Variants in DMD observed in about 807,000 individuals in gnomAD.
The protein encoded by DMD is dystrophin.
A neutral mutation model predicts 330.1 loss-of-function variants in DMD; 63 were observed. The ratio of observed to expected loss-of-function variants is 0.19; its 90% CI spans 0.16 to 0.24. DMD has a LOEUF of 0.24. Ranked by LOEUF, DMD falls within the 10% of genes least tolerant of loss-of-function variation. The pLI, the probability that DMD is intolerant of heterozygous loss-of-function variation, is 1.00. For synonymous variants in DMD, 1,223 were observed against 959.8 expected (o/e 1.27, Z -5.07); for missense variants, 3,344 against 2,684.1 (o/e 1.25, Z -5.43).
At chrX:31,747,566 C>A (rs1474535) in intron 51 of DMD, among the ~76,000 whole-genome samples, 23,539 of 110,641 alleles carry the variant, frequency 0.21, 1,952 homozygotes, top group East Asian at 0.5. Context: ...ACTTGCACTG[C>A]GGCATGAAAG....
chrX:31,796,615 T>A lies in DMD; in HGVS notation c.7310-22423A>T, dbSNP rs1027484415. ...TGGCATAGTTTCAGTAGTCTTAATCTTAGATTCTCTAATAAATGGAATTGG... is the reference window on the plus strand; with the variant it reads ...TGGCATAGTTTCAGTAGTCTTAATCATAGATTCTCTAATAAATGGAATTGG... On this transcript the variant is annotated intron_variant, in intron 50 of 78. Transcript: ENST00000357033. Among the ~76,000 whole-genome samples, 12 of 112,232 alleles carry A rather than the reference T, an allele frequency of 1.1e-4. No individual in the cohort carries two copies. The East Asian group carries it at 3.4e-3, about 32-fold the overall frequency.
intron 1 of DMD, among the ~76,000 whole-genome samples, chrX:33,039,256 A>G (rs1458863752): frequency 3.6e-5 from 4 of 111,334 alleles, no homozygotes; most frequent in African/African-American, 1.3e-4. Flanking sequence ...TCAAAAGTAG[A>G]AGTCAGTTCG....
At chrX:32,732,369 C>G (rs1400743703) in intron 7 of DMD, among the ~76,000 whole-genome samples, 1 of 110,937 alleles carries the variant, frequency 9.0e-6, no homozygotes, top group African/African-American at 3.3e-5. Context: ...CTTCCCCAAT[C>G]TAGCAAGGCA....
At chrX:31,931,684 T>C (rs1248207959) in intron 46 of DMD, among the ~76,000 whole-genome samples, 1 of 111,724 alleles carries the variant, frequency 9.0e-6, no homozygotes, top group Admixed American at 9.5e-5. Context: ...CATTTAGATT[T>C]AGATTTTATG....
intron 62 of DMD, among the ~76,000 whole-genome samples, chrX:31,274,529 A>C (rs750281366): frequency 2.7e-5 from 3 of 111,851 alleles, no homozygotes; most frequent in Non-Finnish European, 5.6e-5. Context: ...GGGATCCATA[A>C]AAGGGGAAAT....
intron 43 of DMD, among the ~76,000 whole-genome samples, chrX:32,230,207 C>G (rs1368598789): frequency 9.1e-6 from 1 of 110,416 alleles, no homozygotes; most frequent in Non-Finnish European, 1.9e-5. Flanking sequence ...ATGAGTATAC[C>G]TTCTGAAAAG....
intron 2 of DMD, among the ~76,000 whole-genome samples, chrX:32,880,062 T>G (rs1473235670): frequency 9.0e-6 from 1 of 111,147 alleles, no homozygotes; most frequent in African/African-American, 3.3e-5. Flanking sequence ...TTTGAACACA[T>G]TCATCTCAAT....
At chrX:32,472,873 T>C (rs183635891) in intron 21 of DMD, among the ~76,000 whole-genome samples, 1 of 111,404 alleles carries the variant, frequency 9.0e-6, no homozygotes, top group East Asian at 2.8e-4. Context: ...CATTCTTAAT[T>C]CTTATAATAA....
intron 38 of DMD, 69 bp downstream of exon 38, chrX:32,348,337 T>TAG (rs2097770705): frequency 1.9e-6 from 2 of 1,080,328 alleles, no homozygotes; most frequent in Non-Finnish European, 1.3e-6. Context: ...GTTGGAGACT[T>TAG]ATCTAAGTTC....
At chrX:32,022,319 T>A (rs191922339) in intron 44 of DMD, among the ~76,000 whole-genome samples, 1 of 112,057 alleles carries the variant, frequency 8.9e-6, no homozygotes, top group Non-Finnish European at 1.9e-5. Flanking sequence ...ATTTAAGGAT[T>A]TTGCTCTAAA....
intron 30 of DMD, among the ~76,000 whole-genome samples, chrX:32,391,873 G>A (rs186706110): frequency 8.9e-6 from 1 of 111,808 alleles, no homozygotes; most frequent in Non-Finnish European, 1.9e-5. Flanking sequence ...CTTTAGAGGG[G>A]TTATGGCTAG....
At chrX:31,572,585 A>G (rs1490425280) in intron 55 of DMD, among the ~76,000 whole-genome samples, 2 of 112,409 alleles carry the variant, frequency 1.8e-5, no homozygotes, top group Admixed American at 9.4e-5. Flanking sequence ...GACTAGCAGG[A>G]TTTTGTGTAT....
chrX:32,625,223 G>A (rs1334970204), intron 11 of DMD, among the ~76,000 whole-genome samples: 2 of 111,991 alleles, frequency 1.8e-5, no homozygotes, highest in African/African-American at 3.2e-5. Context: ...AACCAGTGTT[G>A]TCCAGAACTT....
At chrX:31,472,984 G>A (rs926715700) in intron 59 of DMD, among the ~76,000 whole-genome samples, 1 of 111,957 alleles carries the variant, frequency 8.9e-6, no homozygotes. Flanking sequence ...GAAAAACTGT[G>A]TTCAGAGTCA....
intron 44 of DMD, among the ~76,000 whole-genome samples, chrX:32,054,591 G>A: frequency 1.8e-5 from 2 of 108,597 alleles, no homozygotes; most frequent in Non-Finnish European, 1.9e-5. Context: ...TTCTCCTCAA[G>A]TAAGCCATAA....
At position 32,456,399 on chromosome X, in the gene DMD, A is replaced by C. The variant is rs894891203; in HGVS notation, c.3433-1567T>G. Among the ~76,000 whole-genome samples the C allele has an allele frequency of 2.3e-4, 26 of 111,231 alleles. 3 individuals are homozygous for C. The highest frequency in any genetic ancestry group is 1.8e-3 in the Admixed American group (19 of 10,416). Reference sequence around the variant, plus strand: ...TCAATGAACCTATAATAAACTTAAGAAAACATGCTGCTATTTTTGCTATTT... The same window carrying C: ...TCAATGAACCTATAATAAACTTAAGCAAACATGCTGCTATTTTTGCTATTT... On this transcript the variant is annotated intron_variant, in intron 25 of 78. Coordinates refer to ENST00000357033, the MANE Select transcript of DMD (RefSeq NM_004006.3).
chrX:32,966,394 T>C (rs1199171816), intron 2 of DMD, among the ~76,000 whole-genome samples: 1 of 111,397 alleles, frequency 9.0e-6, no homozygotes, highest in Non-Finnish European at 1.9e-5. Flanking sequence ...CAAGTACACC[T>C]TGATGGCTGT....
intron 42 of DMD, among the ~76,000 whole-genome samples, chrX:32,300,289 T>C (rs2097517395): frequency 8.9e-6 from 1 of 111,897 alleles, no homozygotes; most frequent in Non-Finnish European, 1.9e-5. Context: ...TAATTCCTTG[T>C]TTATTCTACT....
At chrX:33,271,986 C>T (rs1295014648) in intron 1 of DMD, among the ~76,000 whole-genome samples, 3 of 109,308 alleles carry the variant, frequency 2.7e-5, no homozygotes, top group Non-Finnish European at 3.8e-5. Flanking sequence ...TGGGTTCAAG[C>T]GATTCTCCTG....
Sources: gnomAD v4.1 joint callset for allele counts (sites outside exome capture counted in the v4.1 genomes callset) on GRCh38, gnomAD v4.1.1 for gene constraint, MANE v1.5 for transcripts, NCBI Gene and HGNC (gene_info 2026-07-23, HGNC 2026-07-21) for gene names.